The following BCAS4 variants were observed in gnomAD, a reference collection of about 807,000 sequenced individuals.
BCAS4 encodes breast carcinoma-amplified sequence 4.
In BCAS4, 9 loss-of-function variants were observed where a neutral mutation model predicts 15.7. The observed-to-expected ratio is 0.57, with a 90% CI of 0.34 to 1.00. The LOEUF is 1.00. BCAS4 is among the 50% of genes least tolerant of loss of function. The pLI, the probability that BCAS4 is intolerant of heterozygous loss-of-function variation, is 0.02. For missense variants in BCAS4, 225 were observed against 239.1 expected (o/e 0.94, Z 0.39); for synonymous variants, 101 against 99.5 (o/e 1.02, Z -0.09).
chr20:50,877,313 G>A (rs1184368110), downstream of BCAS4: 2 of 152,312 alleles, frequency 1.3e-5, no homozygotes, highest in Non-Finnish European at 2.9e-5. Flanking sequence ...CCAGCTGAGG[G>A]AGGGGTAGTC....
At chr20:50,865,167 T>C (rs1022883813) in intron 4 of BCAS4, among the ~76,000 whole-genome samples, 1 of 152,176 alleles carries the variant, frequency 6.6e-6, no homozygotes, top group Non-Finnish European at 1.5e-5. Flanking sequence ...TCAGTGGCCA[T>C]GTGACAGGAG....
chr20:50,873,590 C>A (rs1277588912), intron 4 of BCAS4, among the ~76,000 whole-genome samples: 1 of 152,258 alleles, frequency 6.6e-6, no homozygotes, highest in African/African-American at 2.4e-5. Flanking sequence ...CTGTGGGTTA[C>A]CCACCAGCGG....
At chr20:50,834,962 C>T (rs1027098966) in intron 3 of BCAS4, among the ~76,000 whole-genome samples, 3 of 152,186 alleles carry the variant, frequency 2.0e-5, no homozygotes, top group African/African-American at 7.2e-5. Context: ...TTAGCTGGCG[C>T]ACAGTTGGGT....
At chr20:50,859,835 G>A (rs1978975200) in intron 4 of BCAS4, among the ~76,000 whole-genome samples, 2 of 152,156 alleles carry the variant, frequency 1.3e-5, no homozygotes, top group African/African-American at 2.4e-5. Context: ...ATTCACATTC[G>A]GTTACAAGAA....
At chr20:50,842,503 G>A (rs1600879102) in intron 4 of BCAS4, among the ~76,000 whole-genome samples, 2 of 56 alleles carry the variant, frequency 0.036, no homozygotes, top group Non-Finnish European at 0.056. Flanking sequence ...TGCAACCTTT[G>A]GCCTCCTGGG....
intron 4 of BCAS4, 43 bp from the exon 5 acceptor site, chr20:50,876,443 T>G: frequency 6.2e-7 from 1 of 1,606,700 alleles, no homozygotes; most frequent in South Asian, 1.1e-5. Flanking sequence ...ATGGAACAAG[T>G]GGATCCAAAT....
intron 1 of BCAS4, among the ~76,000 whole-genome samples, chr20:50,797,029 G>T (rs2087874127): frequency 6.6e-6 from 1 of 151,808 alleles, no homozygotes; most frequent in South Asian, 2.1e-4. Flanking sequence ...GTGGAGACGA[G>T]ATCTCACTAT....
intron 2 of BCAS4, among the ~76,000 whole-genome samples, chr20:50,826,088 A>T (rs2088274920): frequency 6.6e-6 from 1 of 152,122 alleles, no homozygotes; most frequent in Admixed American, 6.5e-5. Context: ...AAATTAACAG[A>T]AGGATACGAT....
Position 50,854,204 on chromosome 20 carries a change from G to C in BCAS4, c.399+12304G>C, listed in dbSNP as rs1290157575. On this transcript the variant is annotated intron_variant, in intron 4 of 4. Transcript: ENST00000371608. ...CAAACAGTCCCGGGTTTTGTATCTT[G>C]GTGGTGCTGCTGGCCGGCTCCATGG... 2.0e-5 allele frequency among the ~76,000 whole-genome samples: 3 copies of C among 152,166 alleles called. No homozygotes were observed. In the East Asian group the frequency reaches 5.8e-4, roughly 29 times the overall value.
chr20:50,820,598 C>T (rs1026223655), intron 2 of BCAS4, among the ~76,000 whole-genome samples: 1 of 152,170 alleles, frequency 6.6e-6, no homozygotes, highest in African/African-American at 2.4e-5. Context: ...CAAATCCCAT[C>T]CCGTCATCCA....
chr20:50,873,822 C>T (rs1979778933), intron 4 of BCAS4, among the ~76,000 whole-genome samples: 1 of 152,198 alleles, frequency 6.6e-6, no homozygotes, highest in African/African-American at 2.4e-5. Flanking sequence ...GCACAACGTT[C>T]CATTCGCCGT....
chr20:50,813,672 AC>A (rs1278622430), intron 1 of BCAS4, among the ~76,000 whole-genome samples: 2 of 94,366 alleles, frequency 2.1e-5, no homozygotes, highest in East Asian at 3.0e-4. Context: ...TGGGTGGAGG[AC>A]CTTTTTTTTT....
intron 1 of BCAS4, among the ~76,000 whole-genome samples, chr20:50,805,741 G>A (rs1031897148): frequency 4.6e-5 from 7 of 152,140 alleles, no homozygotes; most frequent in African/African-American, 7.2e-5. Flanking sequence ...TTGGGAGGCC[G>A]AGGTGGGTGG....
chr20:50,872,281 A>AAAAAAAC, intron 4 of BCAS4, among the ~76,000 whole-genome samples: 1 of 132,946 alleles, frequency 7.5e-6, no homozygotes, highest in Non-Finnish European at 1.6e-5. Flanking sequence ...AAAAAAAAAA[A>AAAAAAAC]AAAGAGGGGC....
At chr20:50,802,836 T>C (rs1401390268) in intron 1 of BCAS4, among the ~76,000 whole-genome samples, 3 of 152,050 alleles carry the variant, frequency 2.0e-5, no homozygotes, top group Admixed American at 2.0e-4. Context: ...ATTGTGCCAC[T>C]GCACTCCAGC....
intron 2 of BCAS4, among the ~76,000 whole-genome samples, chr20:50,820,176 C>T (rs2088196474): frequency 6.6e-6 from 1 of 152,288 alleles, no homozygotes; most frequent in South Asian, 2.1e-4. Context: ...GAATGGGCCC[C>T]GTCATAAACT....
chr20:50,821,731 A>G (rs962840193), intron 2 of BCAS4, among the ~76,000 whole-genome samples: 1 of 152,158 alleles, frequency 6.6e-6, no homozygotes, highest in African/African-American at 2.4e-5. Context: ...TTCCTTTCAG[A>G]TAAAATTAGG....
chr20:50,815,424 C>CTCTCTT (rs111314239), intron 1 of BCAS4, among the ~76,000 whole-genome samples: 14 of 152,316 alleles, frequency 9.2e-5, no homozygotes, highest in South Asian at 4.1e-4. Context: ...TGCCCCACTC[C>CTCTCTT]TCTCTTTCTC....
chr20:50,812,954 T>C (rs979006629), intron 1 of BCAS4, among the ~76,000 whole-genome samples: 1 of 152,174 alleles, frequency 6.6e-6, no homozygotes, highest in Non-Finnish European at 1.5e-5. Flanking sequence ...TAGCTGGGAA[T>C]ACAGGCACAT....
Sources: gnomAD v4.1 joint callset for allele counts (sites outside exome capture counted in the v4.1 genomes callset) on GRCh38, gnomAD v4.1.1 for gene constraint, MANE v1.5 for transcripts, NCBI Gene and HGNC (gene_info 2026-07-23, HGNC 2026-07-21) for gene names.